The following AOAH variants were observed in gnomAD, a reference collection of about 807,000 sequenced individuals.
AOAH encodes acyloxyacyl hydrolase, also known as acyloxyacyl hydrolase (neutrophil).
AOAH carries 64 observed loss-of-function variants against 92.2 expected under a neutral mutation model. That is an observed-to-expected ratio of 0.69 (90% CI 0.57 to 0.86). The LOEUF (loss-of-function observed/expected upper bound fraction) is 0.86, where lower values mean the gene tolerates loss of function less well. Among genes scored for constraint, AOAH ranks in the 40% least tolerant of loss-of-function variants. AOAH has a pLI of 0.00. For synonymous variants in AOAH, 263 were observed against 254.5 expected (o/e 1.03, Z -0.32); for missense variants, 656 against 694.6 (o/e 0.94, Z 0.62).
intron 15 of AOAH, among the ~76,000 whole-genome samples, chr7:36,545,708 G>T (rs190350329): frequency 6.6e-6 from 1 of 152,110 alleles, no homozygotes; most frequent in Non-Finnish European, 1.5e-5. Flanking sequence ...TCCCATAATT[G>T]TCCACTGTAA....
At chr7:36,633,922 A>AC (rs1224171025) in intron 5 of AOAH, among the ~76,000 whole-genome samples, 2 of 152,026 alleles carry the variant, frequency 1.3e-5, no homozygotes, top group South Asian at 2.1e-4. Flanking sequence ...CTGGCCTGTG[A>AC]CCCCCAGATG....
intron 3 of AOAH, among the ~76,000 whole-genome samples, chr7:36,665,994 T>C (rs923338803): frequency 2.0e-5 from 3 of 152,130 alleles, no homozygotes; most frequent in Non-Finnish European, 4.4e-5. Flanking sequence ...TGAGAGATAT[T>C]GGTCTGTAGT....
At chr7:36,524,566 C>T (rs1784292790) in intron 19 of AOAH, among the ~76,000 whole-genome samples, 1 of 151,492 alleles carries the variant, frequency 6.6e-6, no homozygotes, top group Non-Finnish European at 1.5e-5. Flanking sequence ...ATCCCAGCTA[C>T]TCGAGAGGCT....
chr7:36,678,410 AAGTT>A (rs1288083631), intron 2 of AOAH, among the ~76,000 whole-genome samples: 1 of 152,192 alleles, frequency 6.6e-6, no homozygotes, highest in African/African-American at 2.4e-5. Context: ...CTTTGGAAAA[AAGTT>A]AAAAGTACTG....
chr7:36,578,732 TCTAA>T (rs1254049419), intron 12 of AOAH, among the ~76,000 whole-genome samples: 4 of 152,254 alleles, frequency 2.6e-5, no homozygotes, highest in South Asian at 2.1e-4. Context: ...CTAATTTCTT[TCTAA>T]CTTTTTTATT....
intron 1 of AOAH, among the ~76,000 whole-genome samples, chr7:36,699,630 ATTATTTGTTT>A (rs1229444157): frequency 9.3e-5 from 13 of 139,836 alleles, no homozygotes; most frequent in African/African-American, 3.0e-4. Flanking sequence ...TTTAAATTGG[ATTATTTGTTT>A]TTTTTTTTTT....
chr7:36,637,793 G>A, intron 5 of AOAH, 58 bp downstream of exon 5: 6 of 1,506,792 alleles, frequency 4.0e-6, no homozygotes, highest in Non-Finnish European at 5.5e-6. Context: ...GAAAGCCGGG[G>A]CCAGTGAGAG....
At chr7:36,633,689 T>TG (rs1793309372) in intron 5 of AOAH, among the ~76,000 whole-genome samples, 2 of 151,980 alleles carry the variant, frequency 1.3e-5, no homozygotes, top group Admixed American at 1.3e-4. Context: ...CTGAGGACTG[T>TG]GGGGAAGCCG....
At chr7:36,542,725 T>C (rs1239252865) in intron 15 of AOAH, among the ~76,000 whole-genome samples, 1 of 152,178 alleles carries the variant, frequency 6.6e-6, no homozygotes, top group African/African-American at 2.4e-5. Flanking sequence ...AGTGTACCAC[T>C]GGAAAAAGAT....
intron 19 of AOAH, among the ~76,000 whole-genome samples, chr7:36,525,039 A>G (rs1784332690): frequency 6.6e-6 from 1 of 152,222 alleles, no homozygotes; most frequent in South Asian, 2.1e-4. Flanking sequence ...GAAGAGTTGG[A>G]TGAATAAGAC....
At chr7:36,644,847 C>T (rs1219950789) in intron 4 of AOAH, among the ~76,000 whole-genome samples, 1 of 148,440 alleles carries the variant, frequency 6.7e-6, no homozygotes, top group Non-Finnish European at 1.5e-5. Flanking sequence ...AAGGAGAAAG[C>T]CCCTGGGAAG....
intron 3 of AOAH, among the ~76,000 whole-genome samples, chr7:36,665,775 T>A (rs1795494869): frequency 6.6e-6 from 1 of 152,164 alleles, no homozygotes; most frequent in African/African-American, 2.4e-5. Flanking sequence ...TTGGATTTTG[T>A]TAAATGCTTT....
intron 16 of AOAH, among the ~76,000 whole-genome samples, chr7:36,533,849 C>A (rs933832477): frequency 6.6e-6 from 1 of 152,128 alleles, no homozygotes; most frequent in Non-Finnish European, 1.5e-5. Flanking sequence ...CACTGAGTTG[C>A]GGCCTTCCGT....
intron 16 of AOAH, among the ~76,000 whole-genome samples, chr7:36,533,659 G>A (rs1449542532): frequency 6.7e-6 from 1 of 149,820 alleles, no homozygotes; most frequent in Non-Finnish European, 1.5e-5. Context: ...CTGAGGATTT[G>A]TTCCCTCTAT....
At chr7:36,620,952 G>A in intron 8 of AOAH, 123 bp from the exon 9 acceptor site, 3 of 857,450 alleles carry the variant, frequency 3.5e-6, no homozygotes, top group Non-Finnish European at 5.6e-6. Flanking sequence ...AGAGACAACA[G>A]CATTCTTCAT....
At chr7:36,630,264 A>G (rs1243493474) in intron 6 of AOAH, among the ~76,000 whole-genome samples, 1 of 152,226 alleles carries the variant, frequency 6.6e-6, no homozygotes, top group East Asian at 1.9e-4. Flanking sequence ...GTAACCGCAG[A>G]CATAGGAAGC....
chr7:36,531,708 T>G (rs1784699236), intron 18 of AOAH, among the ~76,000 whole-genome samples: 1 of 152,220 alleles, frequency 6.6e-6, no homozygotes, highest in Admixed American at 6.5e-5. Context: ...AACCATGTTC[T>G]TTGAGCAATG....
intron 1 of AOAH, among the ~76,000 whole-genome samples, chr7:36,711,944 C>G (rs903891683): frequency 2.0e-5 from 3 of 152,134 alleles, no homozygotes; most frequent in Admixed American, 6.5e-5. Flanking sequence ...TAAGATCAAC[C>G]CTCACAGAGG....
intron 11 of AOAH, among the ~76,000 whole-genome samples, chr7:36,609,439 T>C (rs116329314): frequency 4.6e-5 from 7 of 152,296 alleles, no homozygotes; most frequent in African/African-American, 1.4e-4. Flanking sequence ...CTTTGAGATC[T>C]GCCTCCCATG....
Sources: gnomAD v4.1 joint callset for allele counts (sites outside exome capture counted in the v4.1 genomes callset) on GRCh38, gnomAD v4.1.1 for gene constraint, MANE v1.5 for transcripts, NCBI Gene and HGNC (gene_info 2026-07-23, HGNC 2026-07-21) for gene names.